The following MACC1 variants were observed in gnomAD, a reference collection of about 807,000 sequenced individuals.
MACC1 encodes the protein MET transcriptional regulator MACC1, also known as metastasis-associated in colon cancer protein 1.
Under a neutral mutation model 70.7 loss-of-function variants are expected in MACC1, and 79 were observed. The observed-to-expected ratio is 1.12, with a 90% CI of 0.93 to 1.35. The LOEUF (loss-of-function observed/expected upper bound fraction) is 1.35, where lower values mean the gene tolerates loss of function less well. Among genes scored for constraint, MACC1 ranks in the 40% most tolerant of loss-of-function variants. MACC1 has a pLI of 0.00. For missense variants in MACC1, 1,106 were observed against 978.1 expected (o/e 1.13, Z -1.74); for synonymous variants, 361 against 347.2 (o/e 1.04, Z -0.44).
chr7:20,179,711 G>C (rs1234261537), intron 1 of MACC1, among the ~76,000 whole-genome samples: 1 of 151,778 alleles, frequency 6.6e-6, no homozygotes, highest in African/African-American at 2.4e-5. Context: ...GTTTTCAAAA[G>C]GCTTCCAAGA....
intron 6 of MACC1, among the ~76,000 whole-genome samples, chr7:20,144,749 C>T (rs1294836359): frequency 6.6e-6 from 1 of 151,962 alleles, no homozygotes; most frequent in Non-Finnish European, 1.5e-5. Flanking sequence ...AGAGGACAGA[C>T]AAGGGTTTAG....
At chr7:20,156,291 C>T (rs1441047862) in intron 5 of MACC1, among the ~76,000 whole-genome samples, 1 of 152,172 alleles carries the variant, frequency 6.6e-6, no homozygotes, top group Non-Finnish European at 1.5e-5. Context: ...CCTCTTCATA[C>T]AGAAATCCTG....
intron 6 of MACC1, among the ~76,000 whole-genome samples, chr7:20,147,010 G>A (rs59561287): frequency 0.28 from 43,060 of 152,056 alleles, 7,187 homozygotes; most frequent in East Asian, 0.76. Context: ...GCGTGAGTAA[G>A]TATTTAACAT....
In MACC1 at chr7:20,185,125, T is replaced by C. The variant is rs75767704; in HGVS notation, c.-217-14347A>G. On this transcript the variant is annotated intron_variant, in intron 1 of 6. Coordinates refer to ENST00000400331, the MANE Select transcript of MACC1 (RefSeq NM_182762.4). ...AATAATATCAGTTCTCTCTAAGAGG[T>C]AGAAAAACTAAGCCTGAATTCCTCC... is the stretch of plus-strand genomic sequence containing the variant. 2.0e-5 allele frequency: 3 copies of C among 152,270 alleles called. No individual in the cohort carries two copies. The East Asian group carries it at 5.8e-4, about 29-fold the overall frequency. The allele number at this position is 152,270 out of a possible 1,614,324, so 9.4% of individuals were successfully genotyped here. A position where few individuals can be genotyped will look rare whatever the true frequency, so the allele number is the denominator to read the frequency against.
rs1436105328 is a variant in MACC1, at chr7:20,175,751, G to A, written c.-217-4973C>T. Among the ~76,000 whole-genome samples, 5 of 152,142 alleles carry A rather than the reference G, an allele frequency of 3.3e-5. No homozygotes were observed. The South Asian group carries it at 1.0e-3, about 32-fold the overall frequency. On this transcript the variant is annotated intron_variant, in intron 1 of 6. Coordinates refer to ENST00000400331, the MANE Select transcript of MACC1 (RefSeq NM_182762.4). ...ATTTCTCCTTCTTATCCTTTACTTG[G>A]ATGAAGAAATAGCATTTTAACATGA...
intron 1 of MACC1, among the ~76,000 whole-genome samples, chr7:20,212,825 A>G (rs1442704459): frequency 1.3e-5 from 2 of 152,106 alleles, no homozygotes; most frequent in African/African-American, 4.8e-5. Flanking sequence ...CTCAAACAGC[A>G]AAGATGGCAG....
intron 4 of MACC1, 89 bp downstream of exon 4, chr7:20,161,659 G>T: frequency 4.1e-6 from 3 of 739,938 alleles, no homozygotes; most frequent in Non-Finnish European, 6.9e-6. Context: ...TCATCTTCCA[G>T]CATTTTCAGA....
chr7:20,180,313 C>T (rs940393517), intron 1 of MACC1, among the ~76,000 whole-genome samples: 11 of 151,546 alleles, frequency 7.3e-5, no homozygotes, highest in East Asian at 3.9e-4. Flanking sequence ...CGTGGTGGCA[C>T]GTGCCCGTAG....
intron 6 of MACC1, among the ~76,000 whole-genome samples, chr7:20,145,260 A>C (rs1311908372): frequency 6.6e-6 from 1 of 152,148 alleles, no homozygotes; most frequent in African/African-American, 2.4e-5. Flanking sequence ...TATAAAGAAA[A>C]ACTTGGCAAA....
At chr7:20,182,237 T>C (rs1782521214) in intron 1 of MACC1, among the ~76,000 whole-genome samples, 1 of 151,758 alleles carries the variant, frequency 6.6e-6, no homozygotes, top group Admixed American at 6.6e-5. Flanking sequence ...ATATACCTAA[T>C]GTTAAATGAC....
At chr7:20,179,024 C>T (rs1347483810) in intron 1 of MACC1, among the ~76,000 whole-genome samples, 1 of 152,134 alleles carries the variant, frequency 6.6e-6, no homozygotes, top group Non-Finnish European at 1.5e-5. Flanking sequence ...AATGAATACT[C>T]TTTTCTTCAG....
At chr7:20,141,355 T>C (rs1366322893) in intron 6 of MACC1, among the ~76,000 whole-genome samples, 197 bp from the exon 7 acceptor site, 2 of 152,210 alleles carry the variant, frequency 1.3e-5, no homozygotes, top group African/African-American at 4.8e-5. Context: ...TTTTTAAAAC[T>C]AGAGATTTTA....
chr7:20,141,245 T>C, intron 6 of MACC1, 87 bp from the exon 7 acceptor site: 3 of 846,886 alleles, frequency 3.5e-6, no homozygotes, highest in Non-Finnish European at 5.3e-6. Context: ...AAAAGCCTCT[T>C]AAGATTTAAG....
Position 20,165,532 on chromosome 7 carries a change from T to TA in MACC1, c.-152-1134dup, listed in dbSNP as rs534428014. 8.1e-3 allele frequency among the ~76,000 whole-genome samples: 724 copies of TA among 89,122 alleles called. 9 individuals carry two copies. Among genetic ancestry groups the TA allele is most frequent in the African/African-American group, 0.043 (684 of 15,904 alleles). 58.5% of individuals were successfully genotyped at this position (89,122 alleles called of 152,430 possible). ...TCTATGAATCCAAGGAGAGGTGGTA[T>TA]AGGGGAAAAAAAAAAATCCTCGACT... On this transcript the variant is annotated intron_variant, in intron 2 of 6. Coordinates refer to ENST00000400331, the MANE Select transcript of MACC1 (RefSeq NM_182762.4).
Position 20,173,657 on chromosome 7 carries a change from G to A in MACC1, c.-217-2879C>T, listed in dbSNP as rs927202740. 1.1e-4 allele frequency among the ~76,000 whole-genome samples: 17 copies of A among 152,164 alleles called. 1 individual carries two copies. Among genetic ancestry groups the A allele is most frequent in the Admixed American group, 1.1e-3 (17 of 15,270 alleles). On this transcript the variant is annotated intron_variant, in intron 1 of 6. Coordinates refer to ENST00000400331, the MANE Select transcript of MACC1 (RefSeq NM_182762.4). ...ACTCATAAAATTGTGTGTTTGCCTAGCATTATCTGCTTCAAACCTATTGTG... is the reference window on the plus strand; with the variant it reads ...ACTCATAAAATTGTGTGTTTGCCTAACATTATCTGCTTCAAACCTATTGTG...
intron 1 of MACC1, among the ~76,000 whole-genome samples, chr7:20,203,585 A>T (rs1782865307): frequency 6.6e-6 from 1 of 152,200 alleles, no homozygotes; most frequent in African/African-American, 2.4e-5. Context: ...ATGTGCAATG[A>T]GGTGAAACAA....
intron 2 of MACC1, among the ~76,000 whole-genome samples, chr7:20,165,723 A>G (rs1355817587): frequency 2.0e-5 from 3 of 152,116 alleles, no homozygotes; most frequent in African/African-American, 7.2e-5. Context: ...CTAGAGAAAC[A>G]TGAGTCAGTC....
Position 20,136,345 on chromosome 7 carries a change from C to A in MACC1, c.*4601G>T. The A allele has an allele frequency of 6.6e-6, 1 of 152,188 alleles. No homozygotes were observed. The highest frequency in any genetic ancestry group is 1.9e-4 in the East Asian group (1 of 5,206). The allele number at this position is 152,188 out of a possible 1,614,324, so 9.4% of individuals were successfully genotyped here. A position where few individuals can be genotyped will look rare whatever the true frequency, so the allele number is the denominator to read the frequency against. ...CTCCTTTGGCCTTACTAATTATTAT[C>A]CAGTGCTAACCTCTCTGTCTCTACT... On this transcript the variant is annotated 3_prime_UTR_variant, in exon 7 of 7. Coordinates refer to ENST00000400331, the MANE Select transcript of MACC1 (RefSeq NM_182762.4).
At chr7:20,171,941 C>T (rs568060347) in intron 1 of MACC1, among the ~76,000 whole-genome samples, 1 of 152,120 alleles carries the variant, frequency 6.6e-6, no homozygotes. Context: ...GAGAGGAAAA[C>T]TGCCCTGGGT....
Sources: allele counts gnomAD v4.1 joint callset (sites outside exome capture counted in the v4.1 genomes callset), GRCh38; gene constraint gnomAD v4.1.1; transcripts MANE v1.5; gene names NCBI Gene and HGNC (gene_info 2026-07-23, HGNC 2026-07-21).